Variants in PRIM2 observed in about 807,000 individuals in gnomAD.
The protein encoded by PRIM2 is DNA primase subunit 2, also known as DNA primase large subunit.
In PRIM2, 39 loss-of-function variants were observed where a neutral mutation model predicts 67.3. The observed-to-expected ratio is 0.58, with a 90% CI of 0.45 to 0.76. The LOEUF (loss-of-function observed/expected upper bound fraction) is 0.76. Among genes scored for constraint, PRIM2 ranks in the 30% least tolerant of loss-of-function variants. The probability of loss-of-function intolerance (pLI) is 0.00; values close to 1 mark genes in which losing one functional copy is unlikely to be tolerated. For synonymous variants in PRIM2, 143 were observed against 198.7 expected, an observed-to-expected ratio of 0.72 and a Z score of 2.36; for missense variants, 398 against 598.7, an observed-to-expected ratio of 0.66 and a Z score of 3.50.
At chr6:57,449,945 G>C (rs1365108855) in intron 7 of PRIM2, among the ~76,000 whole-genome samples, 2 of 152,060 alleles carry the variant, frequency 1.3e-5, no homozygotes, top group African/African-American at 4.8e-5. Flanking sequence ...TCTCAACCTA[G>C]ACTGACTACA....
chr6:57,230,549 C>T, the PRIM2 span, among the ~76,000 whole-genome samples: 2 of 152,168 alleles, frequency 1.3e-5, no homozygotes, highest in East Asian at 1.9e-4. Flanking sequence ...CAGTTAGCAT[C>T]GTTACAGGAA....
intron 7 of PRIM2, among the ~76,000 whole-genome samples, chr6:57,479,608 G>T (rs1333249095): frequency 1.3e-5 from 2 of 152,172 alleles, no homozygotes; most frequent in Non-Finnish European, 2.9e-5. Context: ...GAAAAGGTTT[G>T]CTCTCTCTTT....
chr6:57,449,219 A>G (rs1182821486), intron 7 of PRIM2, among the ~76,000 whole-genome samples: 3 of 152,184 alleles, frequency 2.0e-5, no homozygotes, highest in Non-Finnish European at 2.9e-5. Flanking sequence ...GTAAATTTCT[A>G]TCTAAGAGAT....
In PRIM2 at chr6:57,347,771, A is replaced by G. The variant is rs1768727178; in HGVS notation, c.459+21726A>G. Among the ~76,000 whole-genome samples the G allele has an allele frequency of 2.0e-5, 3 of 152,358 alleles. No homozygotes were observed. The South Asian group carries it at 6.2e-4, about 32-fold the overall frequency. The stretch of plus-strand genomic sequence containing the variant: ...GTTTATGTAATTTAATCCTCACAAC[A>G]GCTCCATGAGGAAACTGAAGCTCAG... On this transcript the variant is annotated intron_variant, in intron 5 of 13. Transcript: ENST00000615550.
Position 57,322,462 on chromosome 6 carries a change from G to T in PRIM2, c.259-1739G>T, listed in dbSNP as rs184396046. Among the ~76,000 whole-genome samples the T allele has an allele frequency of 8.1e-4, 124 of 152,242 alleles. No homozygotes were observed. The East Asian group carries it at 0.022, about 28-fold the overall frequency. ...GGTGGGAGGTAATTGAATCATGGGG[G>T]TGGTTACCCCCATGCTGCTATTCTA... On this transcript the variant is annotated intron_variant, in intron 3 of 13. Transcript: ENST00000615550.
At chr6:57,274,293 G>A in the PRIM2 span, among the ~76,000 whole-genome samples, 1 of 152,226 alleles carries the variant, frequency 6.6e-6, no homozygotes, top group Non-Finnish European at 1.5e-5. Flanking sequence ...GAGCTTCCCT[G>A]CCGCTTTGTT....
At chr6:57,294,430 G>A in the PRIM2 span, among the ~76,000 whole-genome samples, 170 of 152,166 alleles carry the variant, frequency 1.1e-3, no homozygotes, top group Non-Finnish European at 1.9e-3. Flanking sequence ...GCAGTGAGCC[G>A]AGATCGTGCT....
intron 5 of PRIM2, among the ~76,000 whole-genome samples, chr6:57,333,446 T>A (rs1768122890): frequency 6.6e-6 from 1 of 152,206 alleles, no homozygotes; most frequent in Non-Finnish European, 1.5e-5. Flanking sequence ...CCTTTGCCAG[T>A]CCCACTCTCT....
chr6:57,295,892 A>C, the PRIM2 span, among the ~76,000 whole-genome samples: 15 of 152,202 alleles, frequency 9.9e-5, no homozygotes, highest in Admixed American at 8.5e-4. Context: ...AGTCTGGATG[A>C]AAAGAATGGA....
chr6:57,428,357 A>G (rs1771701461), intron 7 of PRIM2, among the ~76,000 whole-genome samples: 1 of 152,214 alleles, frequency 6.6e-6, no homozygotes, highest in African/African-American at 2.4e-5. Flanking sequence ...GGAGATTAAA[A>G]CTAACAAACA....
chr6:57,621,442 A>G (rs1328558972), intron 12 of PRIM2, among the ~76,000 whole-genome samples: 4 of 152,134 alleles, frequency 2.6e-5, no homozygotes, highest in African/African-American at 9.7e-5. Flanking sequence ...ACAGTACCAT[A>G]GTACCATTTT....
chr6:57,456,417 G>T (rs184169946), intron 7 of PRIM2, among the ~76,000 whole-genome samples: 1 of 152,072 alleles, frequency 6.6e-6, no homozygotes, highest in Non-Finnish European at 1.5e-5. Flanking sequence ...TCACTTTCAG[G>T]TACACCAATC....
chr6:57,294,173 A>C, the PRIM2 span, among the ~76,000 whole-genome samples: 1 of 152,140 alleles, frequency 6.6e-6, no homozygotes, highest in Non-Finnish European at 1.5e-5. Context: ...AAATGAACAA[A>C]AGTAGATTCC....
At chr6:57,497,223 C>T (rs1373249615) in intron 7 of PRIM2, among the ~76,000 whole-genome samples, 1 of 152,146 alleles carries the variant, frequency 6.6e-6, no homozygotes, top group Non-Finnish European at 1.5e-5. Flanking sequence ...CTGTTGTTCA[C>T]CCTCCTTGAA....
intron 9 of PRIM2, 114 bp from the exon 10 acceptor site, chr6:57,537,326 T>C: frequency 1.9e-6 from 1 of 534,204 alleles, no homozygotes; most frequent in Non-Finnish European, 3.1e-6. Context: ...TGGCACTTTC[T>C]TATGGTGTTT....
chr6:57,291,802 CAT>C, the PRIM2 span, among the ~76,000 whole-genome samples: 10 of 152,292 alleles, frequency 6.6e-5, no homozygotes, highest in Non-Finnish European at 1.5e-4. Flanking sequence ...AACAGCCCTT[CAT>C]CCTAAAAACT....
chr6:57,645,882 T>A, intron 13 of PRIM2, 46 bp from the exon 14 acceptor site: 2 of 1,056,392 alleles, frequency 1.9e-6, no homozygotes, highest in South Asian at 2.8e-5. Flanking sequence ...CATATATTTA[T>A]AGCTTTGCCA....
At chr6:57,514,468 G>A (rs1356363597) in intron 8 of PRIM2, among the ~76,000 whole-genome samples, 2 of 152,026 alleles carry the variant, frequency 1.3e-5, no homozygotes, top group Non-Finnish European at 1.5e-5. Flanking sequence ...TGCTTCAGTT[G>A]TTTGTTAGCT....
intron 7 of PRIM2, among the ~76,000 whole-genome samples, chr6:57,462,334 GT>G (rs1773035838): frequency 6.6e-6 from 1 of 150,838 alleles, no homozygotes; most frequent in African/African-American, 2.5e-5. Context: ...AGCATTTTCA[GT>G]TTTATGCATT....
Sources: gnomAD v4.1 joint callset for allele counts (sites outside exome capture counted in the v4.1 genomes callset) on GRCh38, gnomAD v4.1.1 for gene constraint, MANE v1.5 for transcripts, NCBI Gene and HGNC (gene_info 2026-07-23, HGNC 2026-07-21) for gene names.